FKBP3: variants seen among roughly 807,000 people sequenced by gnomAD.
FKBP3 encodes the protein FKBP prolyl isomerase 3.
A neutral mutation model predicts 30.6 loss-of-function variants in FKBP3; 21 were observed. The observed-to-expected ratio is 0.69, with a 90% CI of 0.49 to 0.99. The LOEUF (loss-of-function observed/expected upper bound fraction) is 0.99. Among genes scored for constraint, FKBP3 ranks in the 50% least tolerant of loss-of-function variants. The pLI, the probability that FKBP3 is intolerant of heterozygous loss-of-function variation, is 0.00. For missense variants in FKBP3, 283 were observed against 261.6 expected (o/e 1.08, Z -0.56); for synonymous variants, 82 against 91.3 (o/e 0.90, Z 0.58).
At chr14:45,122,138 C>G (rs1220938579) in intron 3 of FKBP3, among the ~76,000 whole-genome samples, 1 of 152,050 alleles carries the variant, frequency 6.6e-6, no homozygotes, top group Admixed American at 6.6e-5. Flanking sequence ...AAAGAAATTG[C>G]TATAACAGGC....
intron 3 of FKBP3, 108 bp downstream of exon 3, chr14:45,129,686 G>GA: frequency 1.7e-6 from 1 of 604,496 alleles, no homozygotes; most frequent in Non-Finnish European, 2.7e-6. Flanking sequence ...CATTGAAAGT[G>GA]GTCGTATTCA....
At chr14:45,119,673 G>C (rs1212763271) in intron 5 of FKBP3, among the ~76,000 whole-genome samples, 1 of 151,862 alleles carries the variant, frequency 6.6e-6, no homozygotes. Flanking sequence ...TATCAACTTG[G>C]TACGGGCAGG....
chr14:45,127,645 T>C (rs1342121213), intron 3 of FKBP3, among the ~76,000 whole-genome samples: 1 of 152,172 alleles, frequency 6.6e-6, no homozygotes, highest in African/African-American at 2.4e-5. Context: ...TAAAGCACTC[T>C]GTAGCCACAT....
At position 45,131,015 on chromosome 14, in the gene FKBP3, G is replaced by A. The variant is rs1885202416; in HGVS notation, c.109-215C>T. On this transcript the variant is annotated intron_variant, in intron 1 of 6. Transcript: ENST00000396062. ...AAGAATTAGTGACAAGACTGCAACT[G>A]TAGTGTTATGTACTGAACACAGTGT... The A allele has an allele frequency of 1.2e-5, 5 of 433,444 alleles. No homozygotes were observed. In the South Asian group the frequency reaches 1.2e-4, roughly 11 times the overall value. The allele number at this position is 433,444 out of a possible 1,614,324, so 26.8% of individuals were successfully genotyped here.
At chr14:45,129,298 T>C (rs990068696) in intron 3 of FKBP3, among the ~76,000 whole-genome samples, 3 of 152,222 alleles carry the variant, frequency 2.0e-5, no homozygotes, top group Non-Finnish European at 2.9e-5. Context: ...GGCTGTCAAT[T>C]TGCAGGAATG....
In FKBP3 at chr14:45,134,468, G is replaced by A. The variant is rs372314683; in HGVS notation, c.-12C>T. The A allele has an allele frequency of 3.9e-5, 62 of 1,607,148 alleles. No homozygotes were observed. The highest frequency in any genetic ancestry group is 4.5e-5 in the East Asian group (2 of 44,512). ...ACGGCCGCCGCCATCTTCCCCCGCT[G>A]CCTCCGCTTTACTGAGCCAGCCCGC... On this transcript the variant is annotated 5_prime_UTR_variant, in exon 1 of 7. Coordinates refer to ENST00000396062, the MANE Select transcript of FKBP3 (RefSeq NM_002013.4).
At chr14:45,126,200 T>A (rs1205133929) in intron 3 of FKBP3, among the ~76,000 whole-genome samples, 1 of 150,090 alleles carries the variant, frequency 6.7e-6, no homozygotes, top group Middle Eastern at 3.2e-3. Flanking sequence ...CAATAACATG[T>A]CTATACAGGC....
chr14:45,125,741 T>C (rs1360571705), intron 3 of FKBP3, among the ~76,000 whole-genome samples: 1 of 151,884 alleles, frequency 6.6e-6, no homozygotes, highest in South Asian at 2.1e-4. Flanking sequence ...ATGGTAAAAA[T>C]TCCAGAGGAA....
intron 1 of FKBP3, among the ~76,000 whole-genome samples, chr14:45,131,710 T>A (rs1281148586): frequency 1.3e-5 from 2 of 150,506 alleles, no homozygotes; most frequent in East Asian, 3.9e-4. Context: ...TCAGCCTCCA[T>A]ATCTGTAGTG....
intron 4 of FKBP3, 36 bp from the exon 5 acceptor site, chr14:45,120,990 C>T (rs2139078498): frequency 6.9e-7 from 1 of 1,445,212 alleles, no homozygotes. Flanking sequence ...TAATGATATA[C>T]TCTAATTTAT....
At chr14:45,119,570 A>G (rs78439113) in intron 5 of FKBP3, among the ~76,000 whole-genome samples, 1 of 151,508 alleles carries the variant, frequency 6.6e-6, no homozygotes, top group East Asian at 1.9e-4. Context: ...ACTCCGTCTC[A>G]AAAAAAAAGA....
chr14:45,121,402 G>GTACTGCTAAC, intron 4 of FKBP3, 83 bp downstream of exon 4: 1 of 1,139,354 alleles, frequency 8.8e-7, no homozygotes, highest in Admixed American at 2.2e-5. Context: ...CAGGAAAAAG[G>GTACTGCTAAC]TACTGCTAAC....
In FKBP3 at chr14:45,134,424, G is replaced by C. The variant is rs909783158; in HGVS notation, c.33C>G (p.Thr11=). MAAAVPQRAW[T]VEQLRSEQLP... Reference sequence around the variant, plus strand: ...GCTGCTCACTGCGCAGCTGCTCCACGGTCCACGCCCGCTGTGGAACGGCCG... The same window carrying C: ...GCTGCTCACTGCGCAGCTGCTCCACCGTCCACGCCCGCTGTGGAACGGCCG... Residue 11 remains threonine (T), a synonymous_variant, in exon 1 of 7, where the codon ACC becomes ACG. Transcript: ENST00000396062. The C allele has an allele frequency of 4.3e-6, 7 of 1,612,812 alleles. No homozygotes were observed. Among genetic ancestry groups the C allele is most frequent in the African/African-American group, 1.3e-5 (1 of 74,996 alleles).
At chr14:45,116,372 T>G in intron 6 of FKBP3, 120 bp from the exon 7 acceptor site, 1 of 661,522 alleles carries the variant, frequency 1.5e-6, no homozygotes, top group Non-Finnish European at 2.8e-6. Context: ...ACTAGGATCC[T>G]CCTTACCTGG....
chr14:45,128,911 A>G (rs991343370), intron 3 of FKBP3, among the ~76,000 whole-genome samples: 1 of 152,254 alleles, frequency 6.6e-6, no homozygotes, highest in Non-Finnish European at 1.5e-5. Flanking sequence ...TTACCTTAGT[A>G]GCTACTCAAT....
intron 4 of FKBP3, 38 bp from the exon 5 acceptor site, chr14:45,120,992 CTAATT>C (rs1433647527): frequency 3.5e-6 from 5 of 1,428,268 alleles, no homozygotes; most frequent in East Asian, 2.3e-5. Flanking sequence ...ATGATATACT[CTAATT>C]TATTATTAAG....
rs886390104 is a variant in FKBP3, at chr14:45,130,989, C to G, written c.109-189G>C. Reference sequence around the variant, plus strand: ...AGATTTTTTAAAAATTCGGTATTTACAAGAATTAGTGACAAGACTGCAACT... The same window carrying G: ...AGATTTTTTAAAAATTCGGTATTTAGAAGAATTAGTGACAAGACTGCAACT... On this transcript the variant is annotated intron_variant, in intron 1 of 6. Transcript: ENST00000396062. The G allele has an allele frequency of 1.0e-4, 48 of 475,614 alleles. 1 individual carries two copies. The South Asian group carries it at 1.2e-3, about 12-fold the overall frequency. The allele number at this position is 475,614 out of a possible 1,614,324, so 29.5% of individuals were successfully genotyped here. A position where few individuals can be genotyped will look rare whatever the true frequency, so the allele number is the denominator to read the frequency against.
At chr14:45,128,923 G>T (rs1026329750) in intron 3 of FKBP3, among the ~76,000 whole-genome samples, 12 of 152,122 alleles carry the variant, frequency 7.9e-5, no homozygotes, top group Non-Finnish European at 1.2e-4. Context: ...CTACTCAATA[G>T]ATATAACATT....
chr14:45,128,828 C>G (rs950828479), intron 3 of FKBP3, among the ~76,000 whole-genome samples: 3 of 152,178 alleles, frequency 2.0e-5, no homozygotes, highest in African/African-American at 7.2e-5. Flanking sequence ...TAAAACCATC[C>G]TCATTCTAAT....
Sources: allele counts gnomAD v4.1 joint callset (sites outside exome capture counted in the v4.1 genomes callset), GRCh38; gene constraint gnomAD v4.1.1; transcripts MANE v1.5; gene names NCBI Gene and HGNC (gene_info 2026-07-23, HGNC 2026-07-21).